Variants in INO80 observed in about 807,000 individuals in gnomAD.
INO80 encodes chromatin-remodeling ATPase INO80.
In INO80, 20 loss-of-function variants were observed where a neutral mutation model predicts 203.4. The ratio of observed to expected loss-of-function variants is 0.10; its 90% CI spans 0.07 to 0.14. The LOEUF is 0.14. Among genes scored for constraint, INO80 ranks in the 10% least tolerant of loss-of-function variants. INO80 has a pLI of 1.00. For synonymous variants in INO80, 726 were observed against 685.2 expected, an observed-to-expected ratio of 1.06 and a Z score of -0.93; for missense variants, 1,419 against 1,914.4, an observed-to-expected ratio of 0.74 and a Z score of 4.83.
intron 1 of INO80, among the ~76,000 whole-genome samples, chr15:41,112,199 G>C (rs1409899676): frequency 1.3e-5 from 2 of 152,076 alleles, no homozygotes; most frequent in African/African-American, 4.8e-5. Context: ...ACTACGCCTG[G>C]CCAAAAATAC....
chr15:41,066,976 A>G (rs2045231444), intron 14 of INO80, among the ~76,000 whole-genome samples: 1 of 152,188 alleles, frequency 6.6e-6, no homozygotes, highest in African/African-American at 2.4e-5. Context: ...AGTCAAAGGA[A>G]AGGCATCAAT....
intron 16 of INO80, among the ~76,000 whole-genome samples, chr15:41,057,939 C>G (rs772843169): frequency 6.6e-6 from 1 of 151,956 alleles, no homozygotes; most frequent in South Asian, 2.1e-4. Flanking sequence ...AAATATCAAG[C>G]CTGAGGTTTA....
intron 7 of INO80, among the ~76,000 whole-genome samples, chr15:41,084,448 A>G (rs1439003809): frequency 6.6e-6 from 1 of 152,152 alleles, no homozygotes; most frequent in Non-Finnish European, 1.5e-5. Flanking sequence ...AGCCCCAGGT[A>G]CTTGGAAGGC....
intron 27 of INO80, 78 bp downstream of exon 27, chr15:41,016,010 C>G (rs2044202165): frequency 1.7e-6 from 2 of 1,169,926 alleles, no homozygotes; most frequent in Middle Eastern, 2.0e-4. Context: ...TTAAGCAGGA[C>G]TAACATTAGT....
At chr15:41,039,580 A>C (rs17660713) in intron 24 of INO80, among the ~76,000 whole-genome samples, 4,006 of 152,328 alleles carry the variant, frequency 0.026, 89 homozygotes, top group South Asian at 0.057. Flanking sequence ...GGACTGGACT[A>C]ACATTGGGAA....
At chr15:41,069,697 A>G (rs762539287) in intron 13 of INO80, 32 bp from the exon 14 acceptor site, 1 of 1,218,856 alleles carries the variant, frequency 8.2e-7, no homozygotes, top group Admixed American at 2.0e-5. Flanking sequence ...AGCCAACTAC[A>G]GGAAAAGGGA....
At chr15:41,090,986 T>G (rs3101442) in intron 5 of INO80, among the ~76,000 whole-genome samples, 81,027 of 148,816 alleles carry the variant, frequency 0.54, 23,726 homozygotes, top group African/African-American at 0.77. Flanking sequence ...GTGCAGTGGC[T>G]CAATCTCGGC....
intron 24 of INO80, among the ~76,000 whole-genome samples, chr15:41,033,328 T>C (rs1006365234): frequency 1.2e-4 from 18 of 151,404 alleles, no homozygotes; most frequent in African/African-American, 4.2e-4. Context: ...CTCTGCTGCC[T>C]GAATCAGAAT....
chr15:41,076,507 C>G (rs1005327731), intron 9 of INO80, among the ~76,000 whole-genome samples: 2 of 150,730 alleles, frequency 1.3e-5, no homozygotes, highest in African/African-American at 4.9e-5. Context: ...ATTAAAAGTG[C>G]CTTTCAGGTG....
In INO80 at chr15:41,027,637, G is replaced by A. The variant is rs201049180; in HGVS notation, c.3007C>T (p.Leu1003Phe). ...CACAAAAAAGATGGCAGCTCAGTGA[G>A]CAGGCAGCGACGCAGCGAGGAGGTA... is the stretch of plus-strand genomic sequence containing the variant. The part of the protein sequence containing the change: ...SATSSLRRCL[L>F]TELPSFLCVA... The change falls in exon 25 of 36, where the codon CTC becomes TTC. Residue 1003 changes from leucine (L) to phenylalanine (F), a missense_variant. Around this residue, in one of 9 missense-constraint regions of INO80, gnomAD observed 302 missense variants for 345.4 expected, o/e 0.87. Coordinates refer to ENST00000648947, the MANE Select transcript of INO80 (RefSeq NM_017553.3). 8.2e-5 allele frequency: 133 copies of A among 1,613,852 alleles called. No homozygotes were observed. The highest frequency in any genetic ancestry group is 3.3e-4 in the Middle Eastern group (2 of 6,062).
At chr15:41,107,824 G>A (rs563073840) in intron 1 of INO80, among the ~76,000 whole-genome samples, 5 of 148,708 alleles carry the variant, frequency 3.4e-5, no homozygotes, top group South Asian at 2.2e-4. Context: ...TAAATAGGCC[G>A]GGCATGGTGG....
chr15:41,049,528 C>A (rs1243217319), intron 20 of INO80, 108 bp from the exon 21 acceptor site: 1 of 993,704 alleles, frequency 1.0e-6, no homozygotes, highest in Non-Finnish European at 1.5e-6. Flanking sequence ...GATACTTTCC[C>A]ATTTTCATCT....
chr15:41,061,588 A>G (rs902025947), intron 14 of INO80, among the ~76,000 whole-genome samples: 1 of 151,966 alleles, frequency 6.6e-6, no homozygotes, highest in African/African-American at 2.4e-5. Context: ...GTGCCACTGC[A>G]CTCCAGCCTG....
intron 27 of INO80, among the ~76,000 whole-genome samples, chr15:41,013,872 C>G (rs989649992): frequency 6.6e-6 from 1 of 152,122 alleles, no homozygotes; most frequent in Non-Finnish European, 1.5e-5. Flanking sequence ...TTGCATTTCC[C>G]TAATTTGGAA....
intron 35 of INO80, among the ~76,000 whole-genome samples, 171 bp downstream of exon 35, chr15:40,982,691 G>C (rs60125108): frequency 2.0e-4 from 30 of 152,210 alleles, no homozygotes; most frequent in Non-Finnish European, 4.4e-4. Context: ...GTACCGTCAG[G>C]AGGGCAAGGG....
chr15:40,988,521 G>C (rs938062595), intron 29 of INO80, among the ~76,000 whole-genome samples: 1 of 152,202 alleles, frequency 6.6e-6, no homozygotes, highest in African/African-American at 2.4e-5. Flanking sequence ...GGGAGGCAGA[G>C]GTTGCGGTGA....
chr15:41,063,211 C>T (rs1596303697), intron 14 of INO80, among the ~76,000 whole-genome samples: 1 of 151,558 alleles, frequency 6.6e-6, no homozygotes, highest in Non-Finnish European at 1.5e-5. Context: ...GTGGTAGGTG[C>T]CTGTTATTCT....
Position 41,049,294 on chromosome 15 carries a change from G to A in INO80, c.2569C>T (p.Arg857Ter). 1 of 1,611,008 alleles carries A rather than the reference G, an allele frequency of 6.2e-7. No individual in the cohort carries two copies. The highest frequency in any genetic ancestry group is 8.5e-7 in the Non-Finnish European group (1 of 1,178,334). Residue 857 changes from arginine to a stop codon, truncating the protein, a stop_gained, in exon 21 of 36, where the codon CGA becomes TGA. Coordinates refer to ENST00000648947, the MANE Select transcript of INO80 (RefSeq NM_017553.3). LOFTEE classifies it high-confidence loss of function. ...HGQIRVFNHSRDRWLRVLSPF... is the reference protein window; with the variant it reads ...HGQIRVFNHS ...ATAGTAATACTTCCCTACCTGTCTC[G>A]TGAATGATTGAAGACCCTGATCTGT... is the stretch of plus-strand genomic sequence containing the variant.
At chr15:41,078,993 T>C (rs1237039836) in intron 9 of INO80, among the ~76,000 whole-genome samples, 2 of 151,990 alleles carry the variant, frequency 1.3e-5, no homozygotes, top group African/African-American at 4.8e-5. Context: ...ATACAAAAAA[T>C]TAGCCAGGCA....
Sources: allele counts gnomAD v4.1 joint callset (sites outside exome capture counted in the v4.1 genomes callset), GRCh38; gene constraint gnomAD v4.1.1; regional missense constraint gnomAD v4.1.1; transcripts MANE v1.5; gene names NCBI Gene and HGNC (gene_info 2026-07-23, HGNC 2026-07-21).